PLD1: variants seen among roughly 807,000 people sequenced by gnomAD.
The protein encoded by PLD1 is choline phosphatase 1.
PLD1 carries 112 observed loss-of-function variants against 137.1 expected under a neutral mutation model. The ratio of observed to expected loss-of-function variants is 0.82; its 90% CI spans 0.70 to 0.96. PLD1 has a LOEUF of 0.96. Ranked by LOEUF, PLD1 falls within the 40% of genes least tolerant of loss-of-function variation. The pLI is 0.00. For synonymous variants in PLD1, 431 were observed against 454.7 expected, an observed-to-expected ratio of 0.95 and a Z score of 0.66; for missense variants, 1,321 against 1,342.0, an observed-to-expected ratio of 0.98 and a Z score of 0.24.
chr3:171,698,006 A>G (rs1218886753), intron 12 of PLD1, among the ~76,000 whole-genome samples: 1 of 152,262 alleles, frequency 6.6e-6, no homozygotes, highest in Non-Finnish European at 1.5e-5. Flanking sequence ...ATAAGCAAAA[A>G]TTTACTAGTA....
At chr3:171,658,788 A>C (rs759259036) in intron 21 of PLD1, among the ~76,000 whole-genome samples, 5 of 152,236 alleles carry the variant, frequency 3.3e-5, no homozygotes, top group Non-Finnish European at 7.3e-5. Context: ...TGGATTATAC[A>C]GTATGTAAAT....
At chr3:171,609,534 A>G (rs1262145100) in intron 25 of PLD1, among the ~76,000 whole-genome samples, 1 of 148,424 alleles carries the variant, frequency 6.7e-6, no homozygotes, top group East Asian at 1.9e-4. Context: ...ACACACACAC[A>G]CACACACACA....
At chr3:171,604,473 TC>T (rs1732054040) in intron 26 of PLD1, among the ~76,000 whole-genome samples, 1 of 152,014 alleles carries the variant, frequency 6.6e-6, no homozygotes, top group East Asian at 1.9e-4. Flanking sequence ...TTCACGTCTG[TC>T]CCTGGAAGTC....
At chr3:171,702,001 C>T (rs985837049) in intron 11 of PLD1, among the ~76,000 whole-genome samples, 1 of 152,086 alleles carries the variant, frequency 6.6e-6, no homozygotes, top group African/African-American at 2.4e-5. Context: ...AATGATCAGA[C>T]TTTCCTTTCT....
chr3:171,800,039 C>T (rs560132053), intron 1 of PLD1, among the ~76,000 whole-genome samples: 2 of 152,214 alleles, frequency 1.3e-5, no homozygotes, highest in East Asian at 1.9e-4. Context: ...TAAATAAATA[C>T]AGGTTTTACT....
At chr3:171,620,565 C>G in intron 23 of PLD1, 45 bp from the exon 24 acceptor site, 1 of 1,176,258 alleles carries the variant, frequency 8.5e-7, no homozygotes, top group Non-Finnish European at 1.2e-6. Context: ...TGACCAAGCT[C>G]AATAAACGTA....
intron 10 of PLD1, 100 bp from the exon 11 acceptor site, chr3:171,708,938 T>C: frequency 1.5e-6 from 1 of 687,608 alleles, no homozygotes; most frequent in Middle Eastern, 3.4e-4. Context: ...GCCTAGAGTC[T>C]CCACATAACA....
intron 12 of PLD1, among the ~76,000 whole-genome samples, chr3:171,696,069 C>T (rs1446636432): frequency 6.6e-6 from 1 of 152,138 alleles, no homozygotes; most frequent in Non-Finnish European, 1.5e-5. Flanking sequence ...ACAACTTTCC[C>T]TTTTATTGGT....
intron 1 of PLD1, among the ~76,000 whole-genome samples, chr3:171,740,019 G>A (rs886623389): frequency 6.6e-6 from 1 of 152,178 alleles, no homozygotes; most frequent in African/African-American, 2.4e-5. Flanking sequence ...ACAGGATGAA[G>A]CCATTTAAAT....
chr3:171,697,255 T>C (rs923097143), intron 12 of PLD1, among the ~76,000 whole-genome samples: 3 of 142,292 alleles, frequency 2.1e-5, no homozygotes, highest in Non-Finnish European at 3.0e-5. Context: ...TTTTTTTTTT[T>C]TTTTTTTGAA....
chr3:171,734,986 A>T lies in PLD1; in HGVS notation c.435-16T>A, dbSNP rs1451178606. The T allele has an allele frequency of 7.0e-7, 1 of 1,419,252 alleles. No homozygotes were observed. Among genetic ancestry groups the T allele is most frequent in the Non-Finnish European group, 1.0e-6 (1 of 1,002,944 alleles). The allele number at this position is 1,419,252 out of a possible 1,614,324, so 87.9% of individuals were successfully genotyped here. The stretch of plus-strand genomic sequence containing the variant: ...AAACGTGTGTCTAAAACACAAACAC[A>T]CAGAATGCAAACACCTACTAGATTA... On this transcript the variant is annotated splice_polypyrimidine_tract_variant and intron_variant, in intron 4 of 26. Coordinates refer to ENST00000351298, the MANE Select transcript of PLD1 (RefSeq NM_002662.5).
chr3:171,766,469 G>A (rs575771126), intron 1 of PLD1, among the ~76,000 whole-genome samples: 1 of 152,170 alleles, frequency 6.6e-6, no homozygotes, highest in African/African-American at 2.4e-5. Context: ...CACACACATA[G>A]AGAGGTATAT....
intron 26 of PLD1, among the ~76,000 whole-genome samples, chr3:171,604,799 C>G (rs936838138): frequency 6.6e-6 from 1 of 152,184 alleles, no homozygotes; most frequent in Non-Finnish European, 1.5e-5. Context: ...GTTTACTATA[C>G]ACTATGTGCT....
intron 23 of PLD1, among the ~76,000 whole-genome samples, chr3:171,632,268 C>A (rs1028970030): frequency 1.3e-5 from 2 of 152,072 alleles, no homozygotes; most frequent in African/African-American, 2.4e-5. Flanking sequence ...GCTCTGCCAC[C>A]CCCCAAAATC....
chr3:171,645,054 C>CA, intron 21 of PLD1, 31 bp from the exon 22 acceptor site: 1 of 1,416,844 alleles, frequency 7.1e-7, no homozygotes, highest in Non-Finnish European at 1.0e-6. Flanking sequence ...GAAATTCACC[C>CA]AAAAAATAAA....
chr3:171,604,058 G>T (rs150188218), intron 26 of PLD1, among the ~76,000 whole-genome samples: 135 of 152,222 alleles, frequency 8.9e-4, no homozygotes, highest in Non-Finnish European at 1.5e-3. Context: ...TTATACAGGG[G>T]TCAGGCGCAT....
At chr3:171,793,025 G>T (rs986393760) in intron 1 of PLD1, 1 of 264,254 alleles carries the variant, frequency 3.8e-6, no homozygotes, top group Admixed American at 5.5e-5. Context: ...ACGGATCCAC[G>T]TGGGAACACA....
chr3:171,735,698 CA>C (rs1719307091), intron 3 of PLD1, 61 bp from the exon 4 acceptor site: 2 of 941,132 alleles, frequency 2.1e-6, no homozygotes, highest in Non-Finnish European at 3.4e-6. Context: ...CAAAAGCTTT[CA>C]GTGAACAATA....
At chr3:171,623,903 T>C (rs181572574) in intron 23 of PLD1, among the ~76,000 whole-genome samples, 1 of 149,614 alleles carries the variant, frequency 6.7e-6, no homozygotes, top group African/African-American at 2.5e-5. Flanking sequence ...GAGATAAAAA[T>C]GTAAGCAAAT....
Sources: gnomAD v4.1 joint callset for allele counts (sites outside exome capture counted in the v4.1 genomes callset) on GRCh38, gnomAD v4.1.1 for gene constraint, MANE v1.5 for transcripts, NCBI Gene and HGNC (gene_info 2026-07-23, HGNC 2026-07-21) for gene names.